The following TMEM132D variants were observed in gnomAD, a reference collection of about 807,000 sequenced individuals.
TMEM132D encodes mature OL transmembrane protein.
A neutral mutation model predicts 62.3 loss-of-function variants in TMEM132D; 21 were observed. That is an observed-to-expected ratio of 0.34 (90% confidence interval 0.24 to 0.49). TMEM132D has a LOEUF of 0.49. TMEM132D is among the 20% of genes least tolerant of loss of function. The pLI, the probability that TMEM132D is intolerant of heterozygous loss-of-function variation, is 0.99. For synonymous variants in TMEM132D, 621 were observed against 575.6 expected (o/e 1.08, Z -1.13); for missense variants, 1,346 against 1,402.8 (o/e 0.96, Z 0.65).
At chr12:129,809,114 C>A (rs888111507) in intron 1 of TMEM132D, among the ~76,000 whole-genome samples, 2 of 152,062 alleles carry the variant, frequency 1.3e-5, no homozygotes, top group African/African-American at 4.8e-5. Flanking sequence ...TCGAGACCAG[C>A]CTGGCCAACG....
At chr12:129,298,115 G>A (rs1249844644) in intron 4 of TMEM132D, among the ~76,000 whole-genome samples, 3 of 152,012 alleles carry the variant, frequency 2.0e-5, no homozygotes, top group African/African-American at 7.2e-5. Flanking sequence ...TCATGGGTGG[G>A]ATTCATACAT....
At chr12:129,381,369 A>C (rs10847849) in intron 3 of TMEM132D, among the ~76,000 whole-genome samples, 64,762 of 152,050 alleles carry the variant, frequency 0.43, 14,164 homozygotes, top group Middle Eastern at 0.49. Flanking sequence ...GGATTATCTA[A>C]CTTTGAGAAT....
intron 3 of TMEM132D, among the ~76,000 whole-genome samples, chr12:129,415,089 G>A (rs771851111): frequency 3.9e-5 from 6 of 152,092 alleles, no homozygotes; most frequent in South Asian, 2.1e-4. Flanking sequence ...AGTTGTTTCC[G>A]TATCTTGACT....
At chr12:129,233,353 G>A (rs1879695025) in intron 4 of TMEM132D, among the ~76,000 whole-genome samples, 1 of 152,082 alleles carries the variant, frequency 6.6e-6, no homozygotes, top group South Asian at 2.1e-4. Context: ...CTTTCCCTGA[G>A]TTATTCTTCC....
intron 2 of TMEM132D, among the ~76,000 whole-genome samples, chr12:129,623,164 G>T (rs901437805): frequency 6.6e-6 from 1 of 152,038 alleles, no homozygotes; most frequent in South Asian, 2.1e-4. Context: ...TAAACCAGTC[G>T]GATTTGAGTT....
At chr12:129,805,163 C>A (rs374862142) in intron 1 of TMEM132D, among the ~76,000 whole-genome samples, 2 of 151,588 alleles carry the variant, frequency 1.3e-5, no homozygotes, top group South Asian at 4.2e-4. Context: ...GCTACCAATG[C>A]CTTTCTTCAC....
At chr12:129,889,918 C>T (rs144829536) in intron 1 of TMEM132D, among the ~76,000 whole-genome samples, 113 of 152,190 alleles carry the variant, frequency 7.4e-4, no homozygotes, top group Middle Eastern at 6.8e-3. Flanking sequence ...ATATCATGAA[C>T]GGGAATGCGA....
intron 3 of TMEM132D, among the ~76,000 whole-genome samples, chr12:129,362,802 G>T (rs1385347722): frequency 6.6e-6 from 1 of 151,984 alleles, no homozygotes; most frequent in Non-Finnish European, 1.5e-5. Context: ...GAATTGGCAA[G>T]GAATGTAAGC....
intron 2 of TMEM132D, among the ~76,000 whole-genome samples, chr12:129,643,163 T>C (rs112605884): frequency 1.3e-5 from 2 of 152,092 alleles, no homozygotes; most frequent in Non-Finnish European, 2.9e-5. Context: ...GACCTCGTGA[T>C]CCACCCACCT....
rs147490673 is a variant in TMEM132D at position 129,435,215 on chromosome 12, C to T, written c.1115+95844G>A. On this transcript the variant is annotated intron_variant, in intron 3 of 8. Transcript: ENST00000422113. ...TAGACCAATGTGTTAATCCATTGATCTGTTGATGGACACTTAGGTGGTTTC... is the reference window on the plus strand; with the variant it reads ...TAGACCAATGTGTTAATCCATTGATTTGTTGATGGACACTTAGGTGGTTTC... Among the ~76,000 whole-genome samples the T allele has an allele frequency of 3.4e-4, 52 of 152,230 alleles. No homozygotes were observed. In the East Asian group the frequency reaches 8.3e-3, roughly 24 times the overall value.
chr12:129,162,087 C>T (rs1164930397), intron 5 of TMEM132D, among the ~76,000 whole-genome samples: 1 of 152,098 alleles, frequency 6.6e-6, no homozygotes, highest in Non-Finnish European at 1.5e-5. Flanking sequence ...CCCTCAATTC[C>T]CTATGTTTAA....
intron 1 of TMEM132D, among the ~76,000 whole-genome samples, chr12:129,706,772 G>A (rs1048611136): frequency 1.6e-4 from 25 of 151,598 alleles, no homozygotes; most frequent in Non-Finnish European, 3.0e-4. Flanking sequence ...TCATATACAC[G>A]AGAATATAAT....
intron 1 of TMEM132D, among the ~76,000 whole-genome samples, chr12:129,746,574 AT>A (rs1378516724): frequency 2.0e-5 from 3 of 152,068 alleles, no homozygotes; most frequent in Non-Finnish European, 4.4e-5. Flanking sequence ...AGCTTGTTCT[AT>A]TTTTCTCTCT....
chr12:129,438,145 T>C (rs1872839916), intron 3 of TMEM132D, among the ~76,000 whole-genome samples: 2 of 152,224 alleles, frequency 1.3e-5, no homozygotes, highest in South Asian at 4.1e-4. Flanking sequence ...CTATCACTGA[T>C]GGGCATTTGG....
chr12:129,264,163 T>G lies in TMEM132D; in HGVS notation c.1300-54500A>C, dbSNP rs139359744. 3.8e-3 allele frequency among the ~76,000 whole-genome samples: 577 copies of G among 152,266 alleles called. 3 individuals are homozygous for G. The highest frequency in any genetic ancestry group is 0.013 in the African/African-American group (527 of 41,554). On this transcript the variant is annotated intron_variant, in intron 4 of 8. Coordinates refer to ENST00000422113, the MANE Select transcript of TMEM132D (RefSeq NM_133448.3). ...CAGCACTTTGGAAGGCCAAGGCAGGTGGATCGCTTGAGGCCAGGAGTTCGA... is the reference window on the plus strand; with the variant it reads ...CAGCACTTTGGAAGGCCAAGGCAGGGGGATCGCTTGAGGCCAGGAGTTCGA...
chr12:129,213,851 A>C (rs951921324), intron 4 of TMEM132D, among the ~76,000 whole-genome samples: 1 of 152,176 alleles, frequency 6.6e-6, no homozygotes, highest in Non-Finnish European at 1.5e-5. Context: ...ACATTTCAAC[A>C]TGAGGTTTGG....
intron 2 of TMEM132D, among the ~76,000 whole-genome samples, chr12:129,612,668 G>A (rs7399129): frequency 0.42 from 63,842 of 151,274 alleles, 14,620 homozygotes; most frequent in Middle Eastern, 0.52. Context: ...TTATTTCTTT[G>A]TTTATCAGTC....
intron 2 of TMEM132D, among the ~76,000 whole-genome samples, chr12:129,693,174 G>T (rs1370216524): frequency 6.6e-6 from 1 of 152,100 alleles, no homozygotes; most frequent in Non-Finnish European, 1.5e-5. Flanking sequence ...CTAAGAAGAG[G>T]AATGAGGCGT....
At chr12:129,658,025 T>C (rs1052900474) in intron 2 of TMEM132D, among the ~76,000 whole-genome samples, 9 of 152,170 alleles carry the variant, frequency 5.9e-5, no homozygotes, top group Non-Finnish European at 1.3e-4. Context: ...CAGATGAGCA[T>C]TGAAATCAAA....
Sources: allele counts gnomAD v4.1 joint callset (sites outside exome capture counted in the v4.1 genomes callset), GRCh38; gene constraint gnomAD v4.1.1; transcripts MANE v1.5; gene names NCBI Gene and HGNC (gene_info 2026-07-23, HGNC 2026-07-21).